Variants in PDE4D observed in about 807,000 individuals in gnomAD.
PDE4D encodes phosphodiesterase 4D.
In PDE4D, 24 loss-of-function variants were observed where a neutral mutation model predicts 87.4. The ratio of observed to expected loss-of-function variants is 0.27; its 90% confidence interval spans 0.20 to 0.39. The LOEUF is 0.39. Among genes scored for constraint, PDE4D ranks in the 10% least tolerant of loss-of-function variants. The pLI is 1.00. For missense variants in PDE4D, 714 were observed against 1,041.0 expected (o/e 0.69, Z 4.32); for synonymous variants, 384 against 383.2 (o/e 1.00, Z -0.02).
intron 1 of PDE4D, among the ~76,000 whole-genome samples, chr5:59,766,037 T>C (rs1434211793): frequency 2.0e-5 from 3 of 152,208 alleles, no homozygotes; most frequent in East Asian, 3.8e-4. Flanking sequence ...AACACTGTAC[T>C]AGCAACAAAT....
In PDE4D at chr5:59,389,341, C is replaced by T. The variant is rs113780637; in HGVS notation, c.456-173373G>A. 3.6e-3 allele frequency among the ~76,000 whole-genome samples: 508 copies of T among 139,722 alleles called. 2 individuals carry two copies. The highest frequency in any genetic ancestry group is 0.012 in the African/African-American group (486 of 39,946). 91.7% of individuals were successfully genotyped at this position (139,722 alleles called of 152,430 possible). Reference sequence around the variant, plus strand: ...ATTTAAAAGTAAATTGTAAATATTACAATTAGTTTCTAAGGATTGTTTAAA... The same window carrying T: ...ATTTAAAAGTAAATTGTAAATATTATAATTAGTTTCTAAGGATTGTTTAAA... On this transcript the variant is annotated intron_variant, in intron 1 of 14. Coordinates refer to ENST00000340635, the MANE Select transcript of PDE4D (RefSeq NM_001104631.2).
intron 1 of PDE4D, among the ~76,000 whole-genome samples, chr5:60,328,531 A>T (rs879476909): frequency 6.6e-6 from 1 of 152,058 alleles, no homozygotes; most frequent in Non-Finnish European, 1.5e-5. Flanking sequence ...TTCACTATAT[A>T]TTTGCTATAT....
At chr5:60,063,176 G>GGAA (rs1771674927) in intron 2 of PDE4D, among the ~76,000 whole-genome samples, 1 of 150,850 alleles carries the variant, frequency 6.6e-6, no homozygotes, top group Non-Finnish European at 1.5e-5. Flanking sequence ...GAAAGAAAAA[G>GGAA]AGAAAGAAAA....
intron 1 of PDE4D, among the ~76,000 whole-genome samples, chr5:60,338,207 A>G (rs1307192436): frequency 1.3e-5 from 2 of 152,152 alleles, no homozygotes; most frequent in Non-Finnish European, 2.9e-5. Context: ...CGTAACAGAA[A>G]CCGGCCTTGG....
intron 2 of PDE4D, chr5:60,021,939 C>T (rs1288292572): frequency 6.6e-6 from 1 of 152,148 alleles, no homozygotes; most frequent in Non-Finnish European, 1.5e-5. Context: ...TCTCAAACTC[C>T]TAGGCCCAAG....
chr5:59,013,354 G>A (rs1405679564), intron 6 of PDE4D, among the ~76,000 whole-genome samples: 8 of 152,002 alleles, frequency 5.3e-5, no homozygotes, highest in African/African-American at 9.7e-5. Flanking sequence ...AAATCAATGA[G>A]TCCAGGAGCT....
At chr5:59,295,753 A>C (rs977955014) in intron 1 of PDE4D, among the ~76,000 whole-genome samples, 1 of 151,952 alleles carries the variant, frequency 6.6e-6, no homozygotes, top group South Asian at 2.1e-4. Context: ...TCTCAGAGAA[A>C]GTGCTCTCCA....
chr5:59,693,287 A>C (rs1751262846), intron 1 of PDE4D, among the ~76,000 whole-genome samples: 1 of 152,080 alleles, frequency 6.6e-6, no homozygotes, highest in Non-Finnish European at 1.5e-5. Flanking sequence ...CCAATAAAAC[A>C]TGAGAGACTT....
At chr5:59,474,603 G>A (rs1232149188) in intron 1 of PDE4D, among the ~76,000 whole-genome samples, 1 of 152,100 alleles carries the variant, frequency 6.6e-6, no homozygotes, top group Non-Finnish European at 1.5e-5. Flanking sequence ...CCTGAGTTGA[G>A]ATAAAGCATC....
chr5:58,985,395 G>A (rs1185924165), intron 11 of PDE4D, among the ~76,000 whole-genome samples: 1 of 152,118 alleles, frequency 6.6e-6, no homozygotes, highest in Non-Finnish European at 1.5e-5. Context: ...CTTTCAACGA[G>A]TGTAAATACA....
rs150613576 is a variant in PDE4D, at chr5:59,446,806, G to A, written c.456-230838C>T. Reference sequence around the variant, plus strand: ...CAGTCTTTCTGCCTCTTTTCTCTTCGGTTCATGTGTGTTTTTAAAATAGTA... The same window carrying A: ...CAGTCTTTCTGCCTCTTTTCTCTTCAGTTCATGTGTGTTTTTAAAATAGTA... On this transcript the variant is annotated intron_variant, in intron 1 of 14. Transcript: ENST00000340635. Among the ~76,000 whole-genome samples the A allele has an allele frequency of 1.5e-4, 23 of 152,174 alleles. No individual in the cohort carries two copies. In the East Asian group the frequency reaches 2.9e-3, roughly 19 times the overall value.
intron 1 of PDE4D, among the ~76,000 whole-genome samples, chr5:59,604,621 C>A (rs1827941151): frequency 6.6e-6 from 1 of 151,866 alleles, no homozygotes; most frequent in Admixed American, 6.6e-5. Context: ...ATGCAAATAA[C>A]CATCACAGAA....
intron 1 of PDE4D, among the ~76,000 whole-genome samples, chr5:60,453,153 T>C (rs1746222744): frequency 6.6e-6 from 1 of 152,136 alleles, no homozygotes; most frequent in South Asian, 2.1e-4. Context: ...TTTGAGAAAA[T>C]GATACATCTA....
rs368057539 is a variant in PDE4D at position 59,066,625 on chromosome 5, G to A, written c.809-27654C>T. On this transcript the variant is annotated intron_variant, in intron 5 of 14. Coordinates refer to ENST00000340635, the MANE Select transcript of PDE4D (RefSeq NM_001104631.2). The stretch of plus-strand genomic sequence containing the variant: ...ATGGAAAGATTTTTATTTATAAGAC[G>A]TGGTTTATTCTTCATTCTGTGGCAA... 1.3e-4 allele frequency among the ~76,000 whole-genome samples: 20 copies of A among 152,178 alleles called. No homozygotes were observed. In the East Asian group the frequency reaches 1.9e-3, roughly 15 times the overall value.
chr5:59,566,249 G>T (rs1048510428), intron 1 of PDE4D, among the ~76,000 whole-genome samples: 1 of 152,112 alleles, frequency 6.6e-6, no homozygotes, highest in Non-Finnish European at 1.5e-5. Flanking sequence ...GGTGAAGTAA[G>T]GATCTTTAGC....
At chr5:60,367,302 G>A (rs1256630606) in intron 1 of PDE4D, among the ~76,000 whole-genome samples, 6 of 151,974 alleles carry the variant, frequency 3.9e-5, no homozygotes, top group Non-Finnish European at 8.8e-5. Flanking sequence ...TACAAAATTA[G>A]CCAGGCATGG....
At chr5:60,434,604 G>T (rs1744617492) in intron 1 of PDE4D, among the ~76,000 whole-genome samples, 1 of 152,152 alleles carries the variant, frequency 6.6e-6, no homozygotes, top group Non-Finnish European at 1.5e-5. Flanking sequence ...ACACAACTTA[G>T]TTTTACTTGT....
intron 1 of PDE4D, among the ~76,000 whole-genome samples, chr5:59,271,643 C>A (rs573968302): frequency 5.3e-5 from 8 of 152,152 alleles, no homozygotes; most frequent in Non-Finnish European, 8.8e-5. Context: ...AAATTATAAT[C>A]CTCCATTGGT....
chr5:59,315,691 G>A (rs187645), intron 1 of PDE4D, among the ~76,000 whole-genome samples: 7,861 of 152,214 alleles, frequency 0.052, 276 homozygotes, highest in Non-Finnish European at 0.082. Context: ...GAATTGAGCA[G>A]GCATGCACAG....
Sources: gnomAD v4.1 joint callset for allele counts (sites outside exome capture counted in the v4.1 genomes callset) on GRCh38, gnomAD v4.1.1 for gene constraint, MANE v1.5 for transcripts, NCBI Gene and HGNC (gene_info 2026-07-23, HGNC 2026-07-21) for gene names.